The following CNTNAP2 variants were observed in gnomAD, a reference collection of about 807,000 sequenced individuals.
CNTNAP2 encodes the protein contactin-associated protein-like 2.
Under a neutral mutation model 155.2 loss-of-function variants are expected in CNTNAP2, and 98 were observed. That is an observed-to-expected ratio of 0.63 (90% CI 0.54 to 0.75). CNTNAP2 has a LOEUF of 0.75. Among genes scored for constraint, CNTNAP2 ranks in the 30% least tolerant of loss-of-function variants. CNTNAP2 has a pLI of 0.00. For synonymous variants in CNTNAP2, 651 were observed against 631.2 expected (o/e 1.03, Z -0.47); for missense variants, 1,727 against 1,688.1 (o/e 1.02, Z -0.40).
chr7:147,115,706 C>A (rs1800972329), intron 5 of CNTNAP2, among the ~76,000 whole-genome samples: 1 of 152,054 alleles, frequency 6.6e-6, no homozygotes, highest in Non-Finnish European at 1.5e-5. Flanking sequence ...GCTATCAGAT[C>A]CCATATTGTA....
chr7:148,067,193 A>G (rs945778906), intron 15 of CNTNAP2, among the ~76,000 whole-genome samples: 23 of 152,140 alleles, frequency 1.5e-4, no homozygotes, highest in Non-Finnish European at 2.4e-4. Flanking sequence ...TCATATTACC[A>G]GAATTGTTTT....
Position 148,079,410 on chromosome 7 carries a change from C to G in CNTNAP2, c.2384-38708C>G, listed in dbSNP as rs74637228. ...TGAGTTTATCTAAAGATCTGGAATC[C>G]ATAGAAGGGAGTGTCTGGATTAAGA... On this transcript the variant is annotated intron_variant, in intron 15 of 23. Transcript: ENST00000361727. 9.6e-3 allele frequency among the ~76,000 whole-genome samples: 1,467 copies of G among 152,242 alleles called. 18 individuals are homozygous for G. The highest frequency in any genetic ancestry group is 0.024 in the African/African-American group (1,003 of 41,532).
intron 10 of CNTNAP2, among the ~76,000 whole-genome samples, chr7:147,480,888 C>G (rs1798410071): frequency 6.6e-6 from 1 of 152,206 alleles, no homozygotes; most frequent in African/African-American, 2.4e-5. Context: ...AGACTCCAAT[C>G]CTGACCGCAA....
intron 13 of CNTNAP2, among the ~76,000 whole-genome samples, chr7:147,793,335 C>A (rs1490597319): frequency 6.6e-6 from 1 of 152,082 alleles, no homozygotes; most frequent in Non-Finnish European, 1.5e-5. Context: ...ATGTTCATGT[C>A]TTTAATCCAC....
chr7:146,126,021 C>T (rs1457651430), intron 1 of CNTNAP2, among the ~76,000 whole-genome samples: 1 of 152,176 alleles, frequency 6.6e-6, no homozygotes, highest in East Asian at 1.9e-4. Flanking sequence ...TCAGGCACTA[C>T]TCTTTATGTG....
intron 4 of CNTNAP2, among the ~76,000 whole-genome samples, chr7:147,064,681 G>T (rs192848136): frequency 1.3e-3 from 198 of 152,192 alleles, no homozygotes; most frequent in Middle Eastern, 6.8e-3. Context: ...TAGCAGAGGG[G>T]ACTTATTCAA....
intron 1 of CNTNAP2, among the ~76,000 whole-genome samples, chr7:146,610,495 G>A (rs115429595): frequency 1.3e-3 from 203 of 152,286 alleles, no homozygotes; most frequent in African/African-American, 4.4e-3. Flanking sequence ...AGAGCATAAT[G>A]TAGGTAGATA....
At chr7:146,754,065 C>T (rs1219589721) in intron 1 of CNTNAP2, among the ~76,000 whole-genome samples, 1 of 151,990 alleles carries the variant, frequency 6.6e-6, no homozygotes, top group African/African-American at 2.4e-5. Flanking sequence ...GCAACATTGG[C>T]TTTCCTGCTT....
At chr7:147,660,370 A>T (rs143880778) in intron 13 of CNTNAP2, among the ~76,000 whole-genome samples, 183 of 152,276 alleles carry the variant, frequency 1.2e-3, no homozygotes, top group African/African-American at 4.3e-3. Context: ...TGATTTTCAG[A>T]TTACTCTTAG....
chr7:147,875,337 C>T (rs537770519), intron 13 of CNTNAP2, among the ~76,000 whole-genome samples: 14 of 152,198 alleles, frequency 9.2e-5, no homozygotes, highest in African/African-American at 2.7e-4. Flanking sequence ...CATGTCTTTC[C>T]GGGCAGGCAA....
At chr7:148,397,088 G>A (rs1799485684) in intron 22 of CNTNAP2, among the ~76,000 whole-genome samples, 1 of 152,158 alleles carries the variant, frequency 6.6e-6, no homozygotes, top group Non-Finnish European at 1.5e-5. Context: ...TTTTATCCTG[G>A]AATGGCCACA....
chr7:146,515,415 T>C (rs536466905), intron 1 of CNTNAP2, among the ~76,000 whole-genome samples: 1 of 152,200 alleles, frequency 6.6e-6, no homozygotes, highest in African/African-American at 2.4e-5. Flanking sequence ...TTAGTGTCTG[T>C]TCACAATTTA....
intron 13 of CNTNAP2, among the ~76,000 whole-genome samples, chr7:147,653,079 A>G (rs1245365808): frequency 1.3e-5 from 2 of 152,222 alleles, no homozygotes; most frequent in African/African-American, 2.4e-5. Context: ...AACGAAAAAA[A>G]CATGCCTCTC....
Position 146,668,034 on chromosome 7 carries a change from T to C in CNTNAP2, c.98-106237T>C, listed in dbSNP as rs549919085. On this transcript the variant is annotated intron_variant, in intron 1 of 23. Transcript: ENST00000361727. ...TGAGTGCAAGTGGTGAGTGTTAGCATCTTTGTCTTTTTTCCAGTTCTGAGA... is the reference window on the plus strand; with the variant it reads ...TGAGTGCAAGTGGTGAGTGTTAGCACCTTTGTCTTTTTTCCAGTTCTGAGA... 1.2e-4 allele frequency among the ~76,000 whole-genome samples: 18 copies of C among 152,228 alleles called. No homozygotes were observed. In the South Asian group the frequency reaches 1.2e-3, roughly 11 times the overall value.
At chr7:147,241,776 G>C (rs12531968) in intron 8 of CNTNAP2, among the ~76,000 whole-genome samples, 1 of 151,510 alleles carries the variant, frequency 6.6e-6, no homozygotes, top group African/African-American at 2.4e-5. Flanking sequence ...TGAAGTCTTC[G>C]TAAATATAAT....
intron 15 of CNTNAP2, among the ~76,000 whole-genome samples, chr7:148,116,267 C>G (rs1014980474): frequency 1.1e-4 from 17 of 152,088 alleles, no homozygotes; most frequent in African/African-American, 4.1e-4. Flanking sequence ...TTACCTGCGA[C>G]AGTAATTAAT....
chr7:148,355,369 G>A (rs1798496220), intron 21 of CNTNAP2, among the ~76,000 whole-genome samples: 3 of 151,554 alleles, frequency 2.0e-5, no homozygotes. Flanking sequence ...TGGTCGATCA[G>A]TATTAATTGC....
intron 8 of CNTNAP2, among the ~76,000 whole-genome samples, chr7:147,287,736 C>T (rs1805212858): frequency 1.3e-5 from 2 of 152,138 alleles, no homozygotes; most frequent in East Asian, 1.9e-4. Context: ...AACCTCGACT[C>T]CCTCCCCCAG....
chr7:146,205,500 C>T (rs1411765012), intron 1 of CNTNAP2, among the ~76,000 whole-genome samples: 1 of 151,642 alleles, frequency 6.6e-6, no homozygotes, highest in Non-Finnish European at 1.5e-5. Flanking sequence ...CTTCTTTTTT[C>T]ATTTTCAGAA....
Sources: gnomAD v4.1 joint callset for allele counts (sites outside exome capture counted in the v4.1 genomes callset) on GRCh38, gnomAD v4.1.1 for gene constraint, MANE v1.5 for transcripts, NCBI Gene and HGNC (gene_info 2026-07-23, HGNC 2026-07-21) for gene names.